The following S1PR5 variants were observed in gnomAD, a reference collection of about 807,000 sequenced individuals.
The protein encoded by S1PR5 is sphingosine-1-phosphate receptor 5.
For missense variants in S1PR5, 583 were observed against 571.7 expected (o/e 1.02, Z -0.20); for synonymous variants, 307 against 284.7 (o/e 1.08, Z -0.79).
intron 1 of S1PR5, chr19:10,517,197 C>T (rs1915458617): frequency 5.2e-6 from 1 of 190,892 alleles, no homozygotes; most frequent in African/African-American, 2.4e-5. Context: ...GGATTCCAGC[C>T]ACCTTCACCC....
At chr19:10,515,737 T>C (rs531306921) in intron 1 of S1PR5, among the ~76,000 whole-genome samples, 1 of 152,112 alleles carries the variant, frequency 6.6e-6, no homozygotes, top group African/African-American at 2.4e-5. Context: ...GAGATTAGCC[T>C]GGACAACATA....
At position 10,514,677 on chromosome 19, in the gene S1PR5, T is replaced by C. The variant is rs1429396269; in HGVS notation, c.335A>G (p.Glu112Gly). Reference protein sequence around the residue: ...KLSPALWFAREGGVFVALTAS... With the variant: ...KLSPALWFARGGGVFVALTAS... ...AGTGAGTGCCACGAAGACGCCTCCC[T>C]CCCGTGCGAACCAGAGCGCGGGGGA... The change falls in exon 2 of 2, where the codon GAG (glutamate) becomes GGG (glycine). Residue 112 changes from glutamate to glycine, a missense_variant. Coordinates refer to ENST00000333430, the MANE Select transcript of S1PR5 (RefSeq NM_030760.5). 1 of 1,608,334 alleles carries C rather than the reference T, an allele frequency of 6.2e-7. No individual in the cohort carries two copies.
Position 10,514,588 on chromosome 19 carries a change from G to A in S1PR5, c.424C>T (p.Pro142Ser). 2.5e-6 allele frequency: 4 copies of A among 1,576,510 alleles called. No homozygotes were observed. The highest frequency in any genetic ancestry group is 3.4e-6 in the Non-Finnish European group (4 of 1,163,366). Residue 142 changes from proline (P) to serine (S), a missense_variant, in exon 2 of 2, where the codon CCC becomes TCC. Pro to Ser is a moderately conservative substitution (Grantham distance 74, BLOSUM62 -1). Coordinates refer to ENST00000333430, the MANE Select transcript of S1PR5 (RefSeq NM_030760.5). ...CGCCCCCGACTGGAGACGGGCGCGGGCCCCCTGCGCGCCATGGTGAGGCTG... is the reference window on the plus strand; with the variant it reads ...CGCCCCCGACTGGAGACGGGCGCGGACCCCCTGCGCGCCATGGTGAGGCTG... ...ERSLTMARRG[P>S]APVSSRGRTL...
At chr19:10,517,761 C>A (rs1227172378), upstream of S1PR5, 3 of 935,352 alleles carry the variant, frequency 3.2e-6, no homozygotes, top group African/African-American at 5.3e-5. Flanking sequence ...CCTCTTCTCC[C>A]CAGCGGAGGG....
chr19:10,515,371 G>A (rs1255462913), intron 1 of S1PR5, among the ~76,000 whole-genome samples: 1 of 152,052 alleles, frequency 6.6e-6, no homozygotes, highest in Non-Finnish European at 1.5e-5. Context: ...CTCAGGCCTG[G>A]GAGGCCAAGG....
In S1PR5 at chr19:10,513,366, C is replaced by A. The variant is rs1237844563; in HGVS notation, c.*449G>T. The A allele has an allele frequency of 2.5e-5, 10 of 407,758 alleles. No individual in the cohort carries two copies. The highest frequency in any genetic ancestry group is 2.1e-4 in the African/African-American group (10 of 48,600). 25.3% of individuals were successfully genotyped at this position (407,758 alleles called of 1,614,324 possible). A position where few individuals can be genotyped will look rare whatever the true frequency, so the allele number is the denominator to read the frequency against. ...AGCTCCTTGTCTCCTCCCATTCTCC[C>A]CCTCCGTCCCTGCTCCAGGCACACC... On this transcript the variant is annotated 3_prime_UTR_variant, in exon 2 of 2. Transcript: ENST00000333430.
At position 10,513,752 on chromosome 19, in the gene S1PR5, A is replaced by G; in HGVS notation, c.*63T>C. ...TGCACCTTTGGCTGCATTTCCTACA[A>G]ATTCCTTTATGTAAAAAGAACAAGT... On this transcript the variant is annotated 3_prime_UTR_variant, in exon 2 of 2. Transcript: ENST00000333430. The G allele has an allele frequency of 6.4e-7, 1 of 1,570,564 alleles. No individual in the cohort carries two copies. The highest frequency in any genetic ancestry group is 8.6e-7 in the Non-Finnish European group (1 of 1,158,654).
rs555481115 is a variant in S1PR5, at chr19:10,513,898, C to G, written c.1114G>C (p.Gly372Arg). Residue 372 changes from glycine to arginine, a missense_variant, in exon 2 of 2, where the codon GGG (glycine) becomes CGG (arginine). Gly to Arg is a moderately radical substitution (Grantham distance 125, BLOSUM62 -2). Transcript: ENST00000333430. ...GSERSSPQRD[G>R]LDTSGSTGSP... ...CCTGTGGAGCCGCTGGTGTCCAGCC[C>G]GTCGCGCTGGGGCGATGAGCGCTCC... 1.4e-5 allele frequency: 23 copies of G among 1,610,324 alleles called. No individual in the cohort carries two copies. In the African/African-American group the frequency reaches 2.1e-4, roughly 15 times the overall value.
chr19:10,516,063 C>T (rs1187103952), intron 1 of S1PR5, among the ~76,000 whole-genome samples: 1 of 152,120 alleles, frequency 6.6e-6, no homozygotes, highest in East Asian at 1.9e-4. Flanking sequence ...GCAAAACACA[C>T]AGTCACACAC....
chr19:10,514,169 G>A lies in S1PR5; in HGVS notation c.843C>T (p.Thr281=), dbSNP rs746060451. 6.2e-7 allele frequency: 1 copy of A among 1,612,642 alleles called. No individual in the cohort carries two copies. Among genetic ancestry groups the A allele is most frequent in the South Asian group, 1.1e-5 (1 of 91,068 alleles). ...LLLDVACPAR[T]CPVLLQADPF... is the part of the protein sequence containing the mutation. The stretch of plus-strand genomic sequence containing the variant: ...GATCGGCCTGCAGGAGTACAGGACA[G>A]GTGCGCGCCGGGCACGCCACGTCGA... Residue 281 remains threonine, a synonymous_variant, in exon 2 of 2, where the codon ACC becomes ACT. Coordinates refer to ENST00000333430, the MANE Select transcript of S1PR5 (RefSeq NM_030760.5).
Position 10,514,877 on chromosome 19 carries a change from C to T in S1PR5, c.135G>A (p.Ala45=), listed in dbSNP as rs754391437. ...TCTCTAGCACGATGAAGGCGCACAC[C>T]GCCAGGCACACCACGGCGTCGGCGC... is the stretch of plus-strand genomic sequence containing the variant. ...GLRADAVVCL[A]VCAFIVLENL... is the part of the protein sequence containing the mutation. Residue 45 remains alanine (A), a synonymous_variant, in exon 2 of 2, where the codon GCG becomes GCA. Transcript: ENST00000333430. 2 of 1,612,226 alleles carry T rather than the reference C, an allele frequency of 1.2e-6. No homozygotes were observed. Among genetic ancestry groups the T allele is most frequent in the South Asian group, 2.2e-5 (2 of 91,032 alleles).
At position 10,514,675 on chromosome 19, in the gene S1PR5, C is replaced by T; in HGVS notation, c.337G>A (p.Gly113Arg). ...LSPALWFARE[G>R]GVFVALTASV... ...GCAGTGAGTGCCACGAAGACGCCTC[C>T]CTCCCGTGCGAACCAGAGCGCGGGG... The change falls in exon 2 of 2, where the codon GGA becomes AGA. Residue 113 changes from glycine to arginine, a missense_variant. Transcript: ENST00000333430. 6.2e-7 allele frequency: 1 copy of T among 1,608,096 alleles called. No individual in the cohort carries two copies. Among genetic ancestry groups the T allele is most frequent in the Non-Finnish European group, 8.5e-7 (1 of 1,178,636 alleles).
rs976409779 is a variant in S1PR5, at chr19:10,513,636, G to C, written c.*179C>G. The C allele has an allele frequency of 1.2e-6, 1 of 804,794 alleles. No homozygotes were observed. The highest frequency in any genetic ancestry group is 2.8e-5 in the East Asian group (1 of 35,776). 49.9% of individuals were successfully genotyped at this position (804,794 alleles called of 1,614,324 possible). A position where few individuals can be genotyped will look rare whatever the true frequency, so the allele number is the denominator to read the frequency against. Reference sequence around the variant, plus strand: ...TCTTTTCTGTGTTCCCAAGCAGAACGTCAATTCCACGAGGGCACAGATTTT... The same window carrying C: ...TCTTTTCTGTGTTCCCAAGCAGAACCTCAATTCCACGAGGGCACAGATTTT... On this transcript the variant is annotated 3_prime_UTR_variant, in exon 2 of 2. Coordinates refer to ENST00000333430, the MANE Select transcript of S1PR5 (RefSeq NM_030760.5).
intron 1 of S1PR5, among the ~76,000 whole-genome samples, chr19:10,515,616 A>G (rs1470191611): frequency 6.6e-6 from 1 of 150,920 alleles, no homozygotes; most frequent in Non-Finnish European, 1.5e-5. Flanking sequence ...CTGTCTCAAA[A>G]CACCCCCCCT....
rs929342475 is a variant in S1PR5 at position 10,513,700 on chromosome 19, A to G, written c.*115T>C. ...CACATTGTGGGGTGTCGCTGCATAA[A>G]TACATTTCCCCTGCATCTTTTCCGA... On this transcript the variant is annotated 3_prime_UTR_variant, in exon 2 of 2. Coordinates refer to ENST00000333430, the MANE Select transcript of S1PR5 (RefSeq NM_030760.5). 9.1e-6 allele frequency: 13 copies of G among 1,432,936 alleles called. No homozygotes were observed. The East Asian group carries it at 9.6e-5, about 11-fold the overall frequency. 88.8% of individuals were successfully genotyped at this position (1,432,936 alleles called of 1,614,324 possible).
rs1915328149 is a variant in S1PR5, at chr19:10,513,302, T to G, written c.*513A>C. The G allele has an allele frequency of 3.3e-6, 1 of 304,320 alleles. No individual in the cohort carries two copies. Among genetic ancestry groups the G allele is most frequent in the Non-Finnish European group, 6.0e-6 (1 of 166,984 alleles). The allele number at this position is 304,320 out of a possible 1,614,324, so 18.9% of individuals were successfully genotyped here. ...CTCACTCAGAGCAAAAGCGAAGTCC[T>G]CTATATCACCCACAAGGTCCTTCGG... is the stretch of plus-strand genomic sequence containing the variant. On this transcript the variant is annotated 3_prime_UTR_variant, in exon 2 of 2. Transcript: ENST00000333430.
At position 10,513,645 on chromosome 19, in the gene S1PR5, A is replaced by G; in HGVS notation, c.*170T>C. ...TGTTCCCAAGCAGAACGTCAATTCCACGAGGGCACAGATTTTTTGTCTGTT... is the reference window on the plus strand; with the variant it reads ...TGTTCCCAAGCAGAACGTCAATTCCGCGAGGGCACAGATTTTTTGTCTGTT... On this transcript the variant is annotated 3_prime_UTR_variant, in exon 2 of 2. Transcript: ENST00000333430. The G allele has an allele frequency of 1.1e-6, 1 of 897,746 alleles. No individual in the cohort carries two copies. Among genetic ancestry groups the G allele is most frequent in the Non-Finnish European group, 1.6e-6 (1 of 608,554 alleles). The allele number at this position is 897,746 out of a possible 1,614,324, so 55.6% of individuals were successfully genotyped here.
Position 10,514,914 on chromosome 19 carries a change from C to T in S1PR5, c.98G>A (p.Gly33Asp). 1.2e-6 allele frequency: 2 copies of T among 1,610,604 alleles called. No individual in the cohort carries two copies. The highest frequency in any genetic ancestry group is 1.7e-6 in the Non-Finnish European group (2 of 1,178,942). The change falls in exon 2 of 2, where the codon GGT becomes GAT. Residue 33 changes from glycine to aspartate, a missense_variant. Gly to Asp is a moderately conservative substitution (Grantham distance 94). Coordinates refer to ENST00000333430, the MANE Select transcript of S1PR5 (RefSeq NM_030760.5). ...CACGGCGTCGGCGCGCAGGCCGGCA[C>T]CCGGCTGGTAGCGCGCACCGCGGAG... ...GKLRGARYQP[G>D]AGLRADAVVC...
In S1PR5 at chr19:10,517,414, G is replaced by A. The variant is rs893156680; in HGVS notation, c.-35C>T. 1.2e-5 allele frequency: 12 copies of A among 985,502 alleles called. No individual in the cohort carries two copies. The highest frequency in any genetic ancestry group is 1.4e-5 in the Non-Finnish European group (12 of 830,086). 61.0% of individuals were successfully genotyped at this position (985,502 alleles called of 1,614,324 possible). ...TCCACTCACTCTGCGCCCTGGTCGT[G>A]CGCCACCCGCAGTCGCGCTGCCTTG... is the stretch of plus-strand genomic sequence containing the variant. On this transcript the variant is annotated 5_prime_UTR_variant, in exon 1 of 2. Coordinates refer to ENST00000333430, the MANE Select transcript of S1PR5 (RefSeq NM_030760.5).
Sources: gnomAD v4.1 joint callset for allele counts (sites outside exome capture counted in the v4.1 genomes callset) on GRCh38, gnomAD v4.1.1 for gene constraint, MANE v1.5 for transcripts, NCBI Gene and HGNC (gene_info 2026-07-23, HGNC 2026-07-21) for gene names.